Variants in SMYD3 observed in about 807,000 individuals in gnomAD.
SMYD3 encodes the protein histone-lysine N-methyltransferase SMYD3.
Under a neutral mutation model 57.7 loss-of-function variants are expected in SMYD3, and 36 were observed. That is an observed-to-expected ratio of 0.62 (90% CI 0.48 to 0.82). The LOEUF (loss-of-function observed/expected upper bound fraction) is 0.82. Ranked by LOEUF, SMYD3 falls within the 40% of genes least tolerant of loss-of-function variation. SMYD3 has a pLI of 0.00. For missense variants in SMYD3, 515 were observed against 538.8 expected, an observed-to-expected ratio of 0.96 and a Z score of 0.44; for synonymous variants, 211 against 195.0, an observed-to-expected ratio of 1.08 and a Z score of -0.68.
chr1:246,128,287 A>G (rs962256562), intron 5 of SMYD3, among the ~76,000 whole-genome samples: 2 of 152,192 alleles, frequency 1.3e-5, no homozygotes, highest in African/African-American at 4.8e-5. Context: ...AGTTTCTAGC[A>G]TACAAAGTAA....
At chr1:245,837,106 C>T (rs1274992711) in intron 10 of SMYD3, among the ~76,000 whole-genome samples, 1 of 152,080 alleles carries the variant, frequency 6.6e-6, no homozygotes, top group Middle Eastern at 3.2e-3. Flanking sequence ...GTGGACAGAT[C>T]ACCTGAGGTC....
At chr1:245,782,199 T>G (rs1476796388) in intron 10 of SMYD3, among the ~76,000 whole-genome samples, 2 of 152,084 alleles carry the variant, frequency 1.3e-5, no homozygotes, top group Non-Finnish European at 2.9e-5. Context: ...AATCCCTACT[T>G]AGAGGTCAAA....
At chr1:246,364,368 A>G (rs555430407) in intron 1 of SMYD3, among the ~76,000 whole-genome samples, 3 of 152,360 alleles carry the variant, frequency 2.0e-5, no homozygotes, top group Admixed American at 1.3e-4. Flanking sequence ...AACATCAATG[A>G]CAAAACAGAA....
intron 5 of SMYD3, among the ~76,000 whole-genome samples, chr1:246,126,295 G>C (rs2061509133): frequency 6.6e-6 from 1 of 152,186 alleles, no homozygotes. Flanking sequence ...CTGCTAGACA[G>C]GACAGCCTTA....
intron 1 of SMYD3, among the ~76,000 whole-genome samples, chr1:246,368,886 T>C (rs1424369984): frequency 6.6e-6 from 1 of 152,218 alleles, no homozygotes; most frequent in Non-Finnish European, 1.5e-5. Context: ...GCTTCCTTGC[T>C]CCTCCGCCTG....
intron 5 of SMYD3, among the ~76,000 whole-genome samples, chr1:246,228,316 G>T (rs926738268): frequency 6.6e-6 from 1 of 151,990 alleles, no homozygotes; most frequent in African/African-American, 2.4e-5. Flanking sequence ...CCTAAAGCAG[G>T]GCAATTCAAC....
At chr1:245,864,231 G>T (rs1253022526) in intron 8 of SMYD3, among the ~76,000 whole-genome samples, 1 of 152,102 alleles carries the variant, frequency 6.6e-6, no homozygotes, top group Non-Finnish European at 1.5e-5. Flanking sequence ...CCCAATTAGA[G>T]TTACCATATT....
At chr1:245,940,586 A>AAAAC (rs1368823574) in intron 5 of SMYD3, among the ~76,000 whole-genome samples, 3 of 150,930 alleles carry the variant, frequency 2.0e-5, no homozygotes, top group East Asian at 3.9e-4. Flanking sequence ...AAAACAAAAC[A>AAAAC]AAAAAAAACA....
chr1:245,933,972 A>G (rs1240167077), intron 5 of SMYD3, among the ~76,000 whole-genome samples: 1 of 152,110 alleles, frequency 6.6e-6, no homozygotes, highest in Non-Finnish European at 1.5e-5. Flanking sequence ...TGAATTCTAC[A>G]CAGCCTATTT....
At chr1:246,037,963 T>A (rs2059805384) in intron 5 of SMYD3, among the ~76,000 whole-genome samples, 1 of 152,190 alleles carries the variant, frequency 6.6e-6, no homozygotes, top group Admixed American at 6.5e-5. Context: ...CTGTTGCAGC[T>A]ATTCAATTCT....
chr1:245,963,273 T>C (rs2058056787), intron 5 of SMYD3, among the ~76,000 whole-genome samples: 1 of 152,132 alleles, frequency 6.6e-6, no homozygotes, highest in South Asian at 2.1e-4. Context: ...TTTCTCAATA[T>C]ACAGTGTTAA....
chr1:245,777,556 A>G (rs2046655589), intron 10 of SMYD3, among the ~76,000 whole-genome samples: 1 of 152,138 alleles, frequency 6.6e-6, no homozygotes, highest in Non-Finnish European at 1.5e-5. Flanking sequence ...TAACTGGGAA[A>G]TTGCATGTAC....
chr1:246,225,758 T>G (rs2063321884), intron 5 of SMYD3, among the ~76,000 whole-genome samples: 1 of 152,214 alleles, frequency 6.6e-6, no homozygotes, highest in Non-Finnish European at 1.5e-5. Context: ...GTTCAATCTC[T>G]CCATATTTTT....
intron 1 of SMYD3, among the ~76,000 whole-genome samples, chr1:246,407,059 G>A (rs2066876782): frequency 6.6e-6 from 1 of 152,216 alleles, no homozygotes; most frequent in Non-Finnish European, 1.5e-5. Flanking sequence ...TTGCCCCCTG[G>A]GAGGTCTGGA....
At chr1:246,377,377 T>A (rs1361723134) in intron 1 of SMYD3, among the ~76,000 whole-genome samples, 1 of 151,324 alleles carries the variant, frequency 6.6e-6, no homozygotes, top group Non-Finnish European at 1.5e-5. Context: ...TTCTTTTTTT[T>A]TTTTTTTTTG....
chr1:245,910,204 C>G (rs2054867365), intron 8 of SMYD3, among the ~76,000 whole-genome samples: 1 of 152,048 alleles, frequency 6.6e-6, no homozygotes, highest in Admixed American at 6.5e-5. Context: ...CCATTTGCAA[C>G]AGCTACAATA....
rs570079294 is a variant in SMYD3 at position 246,141,885 on chromosome 1, A to G, written c.531+185316T>C. On this transcript the variant is annotated intron_variant, in intron 5 of 11. Transcript: ENST00000490107. ...GAAAGACTTATTTTGAAACAAAGTT[A>G]AGTTTCCTATAAAGAAGTCAAATTA... Among the ~76,000 whole-genome samples, 3 of 152,344 alleles carry G rather than the reference A, an allele frequency of 2.0e-5. No homozygotes were observed. In the East Asian group the frequency reaches 5.8e-4, roughly 29 times the overall value.
At chr1:245,822,657 G>A (rs1395598503) in intron 10 of SMYD3, among the ~76,000 whole-genome samples, 7 of 151,852 alleles carry the variant, frequency 4.6e-5, no homozygotes, top group Non-Finnish European at 1.0e-4. Flanking sequence ...TCCTTTGCAC[G>A]ATGCTAACTT....
intron 5 of SMYD3, among the ~76,000 whole-genome samples, chr1:246,200,387 A>G (rs1276586815): frequency 1.3e-5 from 2 of 152,134 alleles, no homozygotes; most frequent in Non-Finnish European, 2.9e-5. Flanking sequence ...GATGGAGAAC[A>G]GCGCAGACGC....
Sources: gnomAD v4.1 joint callset for allele counts (sites outside exome capture counted in the v4.1 genomes callset) on GRCh38, gnomAD v4.1.1 for gene constraint, MANE v1.5 for transcripts, NCBI Gene and HGNC (gene_info 2026-07-23, HGNC 2026-07-21) for gene names.